Variants in C9orf72 observed in about 807,000 individuals in gnomAD.
C9orf72 encodes the protein C9orf72-SMCR8 complex subunit, also known as guanine nucleotide exchange factor C9orf72.
C9orf72 carries 44 observed loss-of-function variants against 51.6 expected under a neutral mutation model. The ratio of observed to expected loss-of-function variants is 0.85; its 90% CI spans 0.67 to 1.10. C9orf72 has a LOEUF of 1.10. Among genes scored for constraint, C9orf72 ranks in the 50% least tolerant of loss-of-function variants. The pLI is 0.00. For synonymous variants in C9orf72, 213 were observed against 194.2 expected (o/e 1.10, Z -0.81); for missense variants, 607 against 570.6 (o/e 1.06, Z -0.65).
At chr9:27,566,595 A>T in intron 2 of C9orf72, 82 bp downstream of exon 2, 2 of 979,584 alleles carry the variant, frequency 2.0e-6, no homozygotes, top group Non-Finnish European at 1.5e-6. Flanking sequence ...GCATATAATT[A>T]AAAAAATAAG....
chr9:27,571,558 T>C (rs1819587023), intron 1 of C9orf72, among the ~76,000 whole-genome samples: 1 of 152,110 alleles, frequency 6.6e-6, no homozygotes. Flanking sequence ...TGGGCTCAAA[T>C]GACCCTCCTG....
rs938892105 is a variant in C9orf72 at position 27,547,124 on chromosome 9, T to A, written c.*1112A>T. 2.0e-5 allele frequency: 3 copies of A among 152,636 alleles called. No homozygotes were observed. The highest frequency in any genetic ancestry group is 7.2e-5 in the African/African-American group (3 of 41,456). The allele number at this position is 152,636 out of a possible 1,614,324, so 9.5% of individuals were successfully genotyped here. A position where few individuals can be genotyped will look rare whatever the true frequency, so the allele number is the denominator to read the frequency against. On this transcript the variant is annotated 3_prime_UTR_variant, in exon 11 of 11. Coordinates refer to ENST00000380003, the MANE Select transcript of C9orf72 (RefSeq NM_018325.5). ...AAAAGATAACTTAGCTCTGCCAAAG[T>A]AGCACCTAGGAAAACAGCACTTCAG...
intron 2 of C9orf72, 150 bp from the exon 3 acceptor site, chr9:27,565,740 A>G: frequency 1.7e-6 from 1 of 587,374 alleles, no homozygotes; most frequent in African/African-American, 1.9e-5. Context: ...GTAGGAAATT[A>G]ACCCAACAAA....
intron 3 of C9orf72, among the ~76,000 whole-genome samples, chr9:27,563,466 T>C (rs529355896): frequency 6.6e-6 from 1 of 152,334 alleles, no homozygotes; most frequent in East Asian, 1.9e-4. Context: ...CAAATGACTA[T>C]GCATTTTTAG....
At chr9:27,558,460 T>C in intron 7 of C9orf72, 31 bp downstream of exon 7, 1 of 1,147,784 alleles carries the variant, frequency 8.7e-7, no homozygotes, top group Non-Finnish European at 1.3e-6. Flanking sequence ...TTTAGAAAAG[T>C]GGTTTCACTT....
intron 2 of C9orf72, 111 bp from the exon 3 acceptor site, chr9:27,565,701 T>C (rs1587317545): frequency 1.4e-6 from 1 of 693,338 alleles, no homozygotes; most frequent in East Asian, 2.6e-5. Context: ...AAAAATACTT[T>C]CTACTTTAGG....
At chr9:27,549,231 C>A (rs1421854542) in intron 9 of C9orf72, among the ~76,000 whole-genome samples, 1 of 152,196 alleles carries the variant, frequency 6.6e-6, no homozygotes, top group Non-Finnish European at 1.5e-5. Flanking sequence ...ATGTTTACTT[C>A]ACTTTTAAAA....
intron 1 of C9orf72, among the ~76,000 whole-genome samples, chr9:27,569,705 A>C (rs932299754): frequency 5.9e-5 from 9 of 152,226 alleles, no homozygotes; most frequent in African/African-American, 2.2e-4. Flanking sequence ...AAGACTTGTT[A>C]TCTAAGACTG....
chr9:27,556,925 T>A (rs1450851217), intron 7 of C9orf72, 129 bp from the exon 8 acceptor site: 13 of 651,686 alleles, frequency 2.0e-5, no homozygotes, highest in Non-Finnish European at 3.4e-5. Flanking sequence ...AAGCTATTCA[T>A]GAGTGTGTGC....
At chr9:27,570,030 T>C (rs182245264) in intron 1 of C9orf72, among the ~76,000 whole-genome samples, 1 of 152,352 alleles carries the variant, frequency 6.6e-6, no homozygotes, top group East Asian at 1.9e-4. Context: ...TAACTCTAAG[T>C]ATGTACAGAA....
In C9orf72 at chr9:27,547,521, A is replaced by G. The variant is rs569221303; in HGVS notation, c.*715T>C. 2 of 152,812 alleles carry G rather than the reference A, an allele frequency of 1.3e-5. No homozygotes were observed. The highest frequency in any genetic ancestry group is 3.9e-4 in the East Asian group (2 of 5,194). The allele number at this position is 152,812 out of a possible 1,614,324, so 9.5% of individuals were successfully genotyped here. A position where few individuals can be genotyped will look rare whatever the true frequency, so the allele number is the denominator to read the frequency against. On this transcript the variant is annotated 3_prime_UTR_variant, in exon 11 of 11. Coordinates refer to ENST00000380003, the MANE Select transcript of C9orf72 (RefSeq NM_018325.5). Reference sequence around the variant, plus strand: ...GGCAACAATTACTAAAACATAAAATACAATTTCCTTTTACAGAGCTCAACT... The same window carrying G: ...GGCAACAATTACTAAAACATAAAATGCAATTTCCTTTTACAGAGCTCAACT...
rs199900665 is a variant in C9orf72, at chr9:27,550,695, T to C, written c.1104A>G (p.Gln368=). 41 of 1,578,608 alleles carry C rather than the reference T, an allele frequency of 2.6e-5. No homozygotes were observed. The highest frequency in any genetic ancestry group is 3.3e-5 in the Non-Finnish European group (38 of 1,157,610). Residue 368 remains glutamine, a synonymous_variant, in exon 9 of 11, where the codon CAA becomes CAG. Coordinates refer to ENST00000380003, the MANE Select transcript of C9orf72 (RefSeq NM_018325.5). ...CTAGAGTGTCTCTGTGTAAGACATC[T>C]TGAAAAATATTCCTGAAGAAAAGAA... ...ESFTPDLNIF[Q]DVLHRDTLVK...
At chr9:27,569,047 T>G (rs1435468336) in intron 1 of C9orf72, among the ~76,000 whole-genome samples, 2 of 152,046 alleles carry the variant, frequency 1.3e-5, no homozygotes, top group Non-Finnish European at 2.9e-5. Flanking sequence ...GGTGAAAGTG[T>G]GTGTGTTTTA....
intron 4 of C9orf72, among the ~76,000 whole-genome samples, chr9:27,562,060 A>G (rs941474048): frequency 6.6e-5 from 10 of 152,204 alleles, no homozygotes; most frequent in African/African-American, 2.4e-4. Flanking sequence ...CTACTTTGGC[A>G]CACAGTTTTG....
chr9:27,548,652 T>G lies in C9orf72; in HGVS notation c.1164A>C (p.Lys388Asn). The change falls in exon 10 of 11, where the codon AAA becomes AAC. Residue 388 changes from lysine to asparagine, a missense_variant. By Grantham distance (94) the Lys-to-Asn change is moderately conservative. Coordinates refer to ENST00000380003, the MANE Select transcript of C9orf72 (RefSeq NM_018325.5). ...AAGTACTTCTGAGAGATAAGCCAGGTTTCAGCTGAAAGACCTGCAGGGAGA... is the reference window on the plus strand; with the variant it reads ...AAGTACTTCTGAGAGATAAGCCAGGGTTCAGCTGAAAGACCTGCAGGGAGA... ...KAFLDQVFQL[K>N]PGLSLRSTFL... The G allele has an allele frequency of 6.2e-7, 1 of 1,607,332 alleles. No individual in the cohort carries two copies. The highest frequency in any genetic ancestry group is 8.5e-7 in the Non-Finnish European group (1 of 1,174,042).
chr9:27,561,330 A>G (rs1819341373), intron 5 of C9orf72: 1 of 1,239,630 alleles, frequency 8.1e-7, no homozygotes, highest in South Asian at 2.0e-5. Flanking sequence ...AGAAACCAGA[A>G]TCAAGCAAGG....
In C9orf72 at chr9:27,560,252, C is replaced by T. The variant is rs1484872382; in HGVS notation, c.713G>A (p.Gly238Asp). Reference sequence around the variant, plus strand: ...CTTATTTACTTTCTCTGCACTGCTACCTACTACAACGGAACAGCCACAGGT... The same window carrying T: ...CTTATTTACTTTCTCTGCACTGCTATCTACTACAACGGAACAGCCACAGGT... Reference protein sequence around the residue: ...LQTCGCSVVVGSSAEKVNKIV... With the variant: ...LQTCGCSVVVDSSAEKVNKIV... The change falls in exon 6 of 11, where the codon GGT becomes GAT. Residue 238 changes from glycine (G) to aspartate (D), a missense_variant. Physicochemically the swap from Gly to Asp is moderately conservative, Grantham distance 94. Coordinates refer to ENST00000380003, the MANE Select transcript of C9orf72 (RefSeq NM_018325.5). 6.2e-7 allele frequency: 1 copy of T among 1,609,696 alleles called. No homozygotes were observed. Among genetic ancestry groups the T allele is most frequent in the East Asian group, 2.2e-5 (1 of 44,724 alleles).
chr9:27,565,756 G>A (rs1819454112), intron 2 of C9orf72, among the ~76,000 whole-genome samples, 166 bp from the exon 3 acceptor site: 1 of 152,044 alleles, frequency 6.6e-6, no homozygotes, highest in Non-Finnish European at 1.5e-5. Flanking sequence ...ACAAATGCAT[G>A]TTCTCATAAA....
intron 5 of C9orf72, chr9:27,561,338 AG>A: frequency 1.6e-6 from 2 of 1,256,062 alleles, no homozygotes; most frequent in Non-Finnish European, 2.0e-6. Context: ...GAATCAAGCA[AG>A]GGGCCATGAT....
Sources: allele counts gnomAD v4.1 joint callset (sites outside exome capture counted in the v4.1 genomes callset), GRCh38; gene constraint gnomAD v4.1.1; transcripts MANE v1.5; gene names NCBI Gene and HGNC (gene_info 2026-07-23, HGNC 2026-07-21).